CNTNAP2: variants seen among roughly 807,000 people sequenced by gnomAD.
The protein encoded by CNTNAP2 is contactin associated protein 2, also known as contactin-associated protein-like 2.
CNTNAP2 carries 98 observed loss-of-function variants against 155.2 expected under a neutral mutation model. The observed-to-expected ratio is 0.63, with a 90% CI of 0.54 to 0.75. CNTNAP2 has a LOEUF of 0.75. CNTNAP2 is among the 30% of genes least tolerant of loss of function. The probability of loss-of-function intolerance (pLI) is 0.00; values close to 1 mark genes in which losing one functional copy is unlikely to be tolerated. For missense variants in CNTNAP2, 1,727 were observed against 1,688.1 expected (o/e 1.02, Z -0.40); for synonymous variants, 651 against 631.2 (o/e 1.03, Z -0.47).
Position 147,969,643 on chromosome 7 carries a change from A to T in CNTNAP2, c.2256-8219A>T, listed in dbSNP as rs1486595841. The stretch of plus-strand genomic sequence containing the variant: ...TTTAGTAGAGACTTGGACAGAGGGC[A>T]TGTAGCAGAGAGGATACAGAAAGAT... On this transcript the variant is annotated intron_variant, in intron 14 of 23. Coordinates refer to ENST00000361727, the MANE Select transcript of CNTNAP2 (RefSeq NM_014141.6). 2.6e-5 allele frequency among the ~76,000 whole-genome samples: 4 copies of T among 152,180 alleles called. No individual in the cohort carries two copies. In the South Asian group the frequency reaches 8.3e-4, roughly 31 times the overall value.
At chr7:147,940,282 C>T (rs1800694712) in intron 14 of CNTNAP2, 1 of 121,554 alleles carries the variant, frequency 8.2e-6, no homozygotes, top group Non-Finnish European at 1.6e-5. Context: ...GTCTGGATAC[C>T]ATAGCAAGAC....
chr7:146,869,722 AG>A (rs368178664), intron 3 of CNTNAP2, among the ~76,000 whole-genome samples: 1 of 152,262 alleles, frequency 6.6e-6, no homozygotes, highest in African/African-American at 2.4e-5. Flanking sequence ...GTTCAAGGGT[AG>A]GAAGCATCCG....
chr7:146,233,734 C>G (rs986592717), intron 1 of CNTNAP2, among the ~76,000 whole-genome samples: 18 of 151,752 alleles, frequency 1.2e-4, no homozygotes, highest in Admixed American at 1.1e-3. Flanking sequence ...TTTGTTCTTG[C>G]GATAGTTTAC....
intron 11 of CNTNAP2, among the ~76,000 whole-genome samples, chr7:147,553,338 T>C (rs968917331): frequency 1.3e-5 from 2 of 152,140 alleles, no homozygotes; most frequent in African/African-American, 4.8e-5. Context: ...AGGACAAGCA[T>C]GGAATCACAT....
chr7:146,758,381 T>G (rs1802028380), intron 1 of CNTNAP2, among the ~76,000 whole-genome samples: 1 of 152,194 alleles, frequency 6.6e-6, no homozygotes, highest in South Asian at 2.1e-4. Flanking sequence ...GAAGAGGTTA[T>G]CCCAGGTGTG....
chr7:147,611,097 A>AT lies in CNTNAP2; in HGVS notation c.1898-27999dup, dbSNP rs34114191. Among the ~76,000 whole-genome samples, 421 of 151,040 alleles carry AT rather than the reference A, an allele frequency of 2.8e-3. 10 individuals carry two copies. In the East Asian group the frequency reaches 0.044, roughly 16 times the overall value. The stretch of plus-strand genomic sequence containing the variant: ...TGTGGTGTAGTAGATATTAGGAGTG[A>AT]TTTTTTTTTTAATGAAGAGCAAGCA... On this transcript the variant is annotated intron_variant, in intron 12 of 23. Coordinates refer to ENST00000361727, the MANE Select transcript of CNTNAP2 (RefSeq NM_014141.6).
At chr7:146,302,355 AAGTT>A (rs1237921553) in intron 1 of CNTNAP2, among the ~76,000 whole-genome samples, 3 of 152,134 alleles carry the variant, frequency 2.0e-5, no homozygotes, top group African/African-American at 4.8e-5. Flanking sequence ...CTTGTCAACT[AAGTT>A]AGTCAAAATG....
intron 13 of CNTNAP2, among the ~76,000 whole-genome samples, chr7:147,823,927 C>A (rs748998352): frequency 2.0e-5 from 3 of 152,108 alleles, no homozygotes; most frequent in Non-Finnish European, 4.4e-5. Flanking sequence ...CAGCAAATAA[C>A]TCAATATAAG....
At chr7:147,483,106 G>T (rs1009863281) in intron 10 of CNTNAP2, among the ~76,000 whole-genome samples, 1 of 151,666 alleles carries the variant, frequency 6.6e-6, no homozygotes, top group South Asian at 2.1e-4. Flanking sequence ...TATTAAAATT[G>T]TATCTAAATA....
At chr7:146,247,652 T>C (rs1052130983) in intron 1 of CNTNAP2, among the ~76,000 whole-genome samples, 2 of 152,174 alleles carry the variant, frequency 1.3e-5, no homozygotes, top group African/African-American at 4.8e-5. Context: ...TCTTGCAGGA[T>C]GGAAAAATTG....
At chr7:148,038,836 ATG>A (rs1802618161) in intron 15 of CNTNAP2, among the ~76,000 whole-genome samples, 1 of 151,328 alleles carries the variant, frequency 6.6e-6, no homozygotes, top group South Asian at 2.1e-4. Context: ...AGATGGATGG[ATG>A]GATGGATGGA....
chr7:146,600,047 A>G (rs1284038044), intron 1 of CNTNAP2, among the ~76,000 whole-genome samples: 1 of 152,014 alleles, frequency 6.6e-6, no homozygotes, highest in Non-Finnish European at 1.5e-5. Flanking sequence ...CTTTGAGAGC[A>G]TTTTCTCTTC....
At chr7:147,045,598 G>A (rs1311391588) in intron 4 of CNTNAP2, among the ~76,000 whole-genome samples, 3 of 152,100 alleles carry the variant, frequency 2.0e-5, no homozygotes, top group Non-Finnish European at 2.9e-5. Context: ...GGAAAATTTA[G>A]CATTTCTGGT....
chr7:146,644,756 A>C (rs1418697645), intron 1 of CNTNAP2, among the ~76,000 whole-genome samples: 1 of 152,206 alleles, frequency 6.6e-6, no homozygotes, highest in Non-Finnish European at 1.5e-5. Context: ...TCCTCGACAC[A>C]TACACCCTCC....
At chr7:146,380,714 G>GTATTTACACATAA (rs1308849195) in intron 1 of CNTNAP2, among the ~76,000 whole-genome samples, 2 of 138,242 alleles carry the variant, frequency 1.4e-5, no homozygotes, top group Non-Finnish European at 3.1e-5. Flanking sequence ...ATTTCTTACT[G>GTATTTACACATAA]TATTTACACA....
intron 14 of CNTNAP2, among the ~76,000 whole-genome samples, chr7:147,968,668 G>T (rs775403679): frequency 6.6e-6 from 1 of 152,098 alleles, no homozygotes; most frequent in African/African-American, 2.4e-5. Context: ...AAAGGAACTG[G>T]CAAACTCAGC....
chr7:147,124,688 G>A (rs1253703686), intron 6 of CNTNAP2, among the ~76,000 whole-genome samples: 1 of 152,034 alleles, frequency 6.6e-6, no homozygotes, highest in Non-Finnish European at 1.5e-5. Flanking sequence ...TTATGTAGTG[G>A]AAGTTTTAAT....
At chr7:148,340,781 G>A (rs1798215984) in intron 21 of CNTNAP2, among the ~76,000 whole-genome samples, 1 of 152,194 alleles carries the variant, frequency 6.6e-6, no homozygotes, top group Non-Finnish European at 1.5e-5. Flanking sequence ...TTTATTGAGA[G>A]GCGTCTCCAC....
At chr7:148,096,570 G>T (rs758106360) in intron 15 of CNTNAP2, among the ~76,000 whole-genome samples, 12 of 152,018 alleles carry the variant, frequency 7.9e-5, no homozygotes, top group African/African-American at 2.9e-4. Flanking sequence ...ACGTCATAAA[G>T]GTTTGGTTGA....
Sources: gnomAD v4.1 joint callset for allele counts (sites outside exome capture counted in the v4.1 genomes callset) on GRCh38, gnomAD v4.1.1 for gene constraint, MANE v1.5 for transcripts, NCBI Gene and HGNC (gene_info 2026-07-23, HGNC 2026-07-21) for gene names.